Variants in EPB41 observed in about 807,000 individuals in gnomAD.
EPB41 encodes protein 4.1.
In EPB41, 65 loss-of-function variants were observed where a neutral mutation model predicts 108.0. The ratio of observed to expected loss-of-function variants is 0.60; its 90% confidence interval spans 0.49 to 0.74. The LOEUF is 0.74. EPB41 is among the 30% of genes least tolerant of loss of function. The pLI, the probability that EPB41 is intolerant of heterozygous loss-of-function variation, is 0.00. For missense variants in EPB41, 875 were observed against 1,037.0 expected (o/e 0.84, Z 2.15); for synonymous variants, 336 against 358.9 (o/e 0.94, Z 0.72).
upstream of EPB41, among the ~76,000 whole-genome samples, chr1:28,912,724 C>T (rs2092320009): frequency 2.0e-5 from 3 of 151,906 alleles, no homozygotes; most frequent in South Asian, 6.3e-4. Flanking sequence ...TCAAGTGATT[C>T]TCCTGCCTCA....
chr1:29,068,870 A>G lies in EPB41; in HGVS notation c.2184+3712A>G, dbSNP rs1649805117. On this transcript the variant is annotated intron_variant, in intron 16 of 20. Coordinates refer to ENST00000343067, the MANE Select transcript of EPB41 (RefSeq NM_001376013.1). Reference sequence around the variant, plus strand: ...CAGATAATCCCCCCAGAACTGAACAACAGCTGCTGAATACCTTTTTTTCTT... The same window carrying G: ...CAGATAATCCCCCCAGAACTGAACAGCAGCTGCTGAATACCTTTTTTTCTT... 4 of 1,055,478 alleles carry G rather than the reference A, an allele frequency of 3.8e-6. No individual in the cohort carries two copies. The Middle Eastern group carries it at 1.0e-3, about 274-fold the overall frequency. 65.4% of individuals were successfully genotyped at this position (1,055,478 alleles called of 1,614,324 possible).
intron 16 of EPB41, among the ~76,000 whole-genome samples, chr1:29,067,052 G>A (rs1372520852): frequency 1.3e-5 from 2 of 151,496 alleles, no homozygotes; most frequent in Admixed American, 6.6e-5. Flanking sequence ...AACTGGAGAA[G>A]GTGATAAAAG....
chr1:28,935,790 A>G (rs2093998236), intron 1 of EPB41, among the ~76,000 whole-genome samples: 1 of 151,748 alleles, frequency 6.6e-6, no homozygotes, highest in South Asian at 2.1e-4. Flanking sequence ...GTGGTGGCAC[A>G]TGCCTGTAAT....
At chr1:28,976,896 A>G (rs545094507) in intron 1 of EPB41, among the ~76,000 whole-genome samples, 1 of 152,176 alleles carries the variant, frequency 6.6e-6, no homozygotes, top group South Asian at 2.1e-4. Context: ...TCTTTTGCCC[A>G]GGTTGGAGTG....
chr1:28,969,160 C>T lies in EPB41; in HGVS notation c.-7-18271C>T, dbSNP rs573270331. Among the ~76,000 whole-genome samples the T allele has an allele frequency of 4.6e-5, 7 of 150,986 alleles. No individual in the cohort carries two copies. In the South Asian group the frequency reaches 1.5e-3, roughly 32 times the overall value. On this transcript the variant is annotated intron_variant, in intron 1 of 20. Coordinates refer to ENST00000343067, the MANE Select transcript of EPB41 (RefSeq NM_001376013.1). ...GGTGCAGTGGCACAGTCTCAGCTCACTGCAACCTCCACCTCCTCGGTTCAA... is the reference window on the plus strand; with the variant it reads ...GGTGCAGTGGCACAGTCTCAGCTCATTGCAACCTCCACCTCCTCGGTTCAA...
intron 10 of EPB41, among the ~76,000 whole-genome samples, chr1:29,036,682 T>A (rs1639594068): frequency 6.6e-6 from 1 of 151,222 alleles, no homozygotes; most frequent in Non-Finnish European, 1.5e-5. Flanking sequence ...GCTGATTTTT[T>A]TTTTTTTTTT....
chr1:28,902,641 T>C (rs1475686498), intron 1 of EPB41, among the ~76,000 whole-genome samples: 2 of 152,176 alleles, frequency 1.3e-5, no homozygotes, highest in Non-Finnish European at 2.9e-5. Flanking sequence ...CCCCTGGGTC[T>C]CTATGCCTGG....
chr1:28,944,672 G>C (rs2094432164), intron 1 of EPB41, among the ~76,000 whole-genome samples: 1 of 151,724 alleles, frequency 6.6e-6, no homozygotes, highest in Admixed American at 6.6e-5. Context: ...GAGTAGCTGG[G>C]ATTACAGGCA....
At chr1:29,039,960 G>A (rs1156778189) in intron 11 of EPB41, among the ~76,000 whole-genome samples, 1 of 152,230 alleles carries the variant, frequency 6.6e-6, no homozygotes, top group Non-Finnish European at 1.5e-5. Context: ...GGATCAAACA[G>A]TACCAGAATT....
chr1:28,920,799 A>AT (rs980614630), intron 1 of EPB41, among the ~76,000 whole-genome samples: 1 of 151,872 alleles, frequency 6.6e-6, no homozygotes, highest in Non-Finnish European at 1.5e-5. Context: ...CACCTGGCTG[A>AT]TTTTTTATAT....
intron 1 of EPB41, among the ~76,000 whole-genome samples, chr1:28,967,493 A>G (rs1300850528): frequency 6.6e-6 from 1 of 152,170 alleles, no homozygotes; most frequent in Admixed American, 6.5e-5. Context: ...ACCTTTGGTA[A>G]TTTTGCTTCT....
At chr1:28,916,572 G>A (rs1366758264) in intron 1 of EPB41, among the ~76,000 whole-genome samples, 1 of 152,144 alleles carries the variant, frequency 6.6e-6, no homozygotes, top group Non-Finnish European at 1.5e-5. Context: ...AGGAGGCGGA[G>A]GTTGCAGTGA....
chr1:28,941,410 T>C (rs1217992862), intron 1 of EPB41, among the ~76,000 whole-genome samples: 3 of 151,578 alleles, frequency 2.0e-5, no homozygotes, highest in African/African-American at 7.3e-5. Flanking sequence ...TGGGGAAAAA[T>C]GAGGTATAAG....
chr1:28,900,477 G>T (rs573474669), intron 1 of EPB41, among the ~76,000 whole-genome samples: 2 of 151,896 alleles, frequency 1.3e-5, no homozygotes, highest in South Asian at 4.2e-4. Flanking sequence ...TAGTAGAGAT[G>T]GGGTTTCACC....
At position 28,987,821 on chromosome 1, in the gene EPB41, A is replaced by G. The variant is rs768207973; in HGVS notation, c.384A>G (p.Leu128=). The change falls in exon 2 of 21, where the codon TTA becomes TTG. Residue 128 remains leucine, a synonymous_variant. Transcript: ENST00000343067. ...FGTSLDEEII[L]KAPIAAPEPE... ...CCAGTCTTGATGAAGAGATCATTTT[A>G]AAGGCCCCAATTGCAGCTCCTGAAC... 3 of 1,614,132 alleles carry G rather than the reference A, an allele frequency of 1.9e-6. No individual in the cohort carries two copies. In the South Asian group the frequency reaches 3.3e-5, roughly 18 times the overall value.
chr1:28,999,847 G>T (rs1400137947), intron 4 of EPB41, among the ~76,000 whole-genome samples: 1 of 151,874 alleles, frequency 6.6e-6, no homozygotes, highest in African/African-American at 2.4e-5. Flanking sequence ...GCAGTGGTGC[G>T]ATCTTGGCTC....
chr1:28,994,409 G>A (rs780569623), intron 3 of EPB41, among the ~76,000 whole-genome samples: 6 of 151,934 alleles, frequency 3.9e-5, no homozygotes, highest in Non-Finnish European at 5.9e-5. Flanking sequence ...CTGACCTCGT[G>A]ATCTGCCCGC....
At chr1:28,988,697 G>A (rs1475296874) in intron 2 of EPB41, among the ~76,000 whole-genome samples, 2 of 152,034 alleles carry the variant, frequency 1.3e-5, no homozygotes, top group African/African-American at 4.8e-5. Flanking sequence ...GTAGTCATTG[G>A]AAACTTACTT....
chr1:29,041,473 C>G (rs1641531888), intron 11 of EPB41: 1 of 152,170 alleles, frequency 6.6e-6, no homozygotes, highest in Non-Finnish European at 1.5e-5. Flanking sequence ...GAGTGAGACT[C>G]TGTCTCAAAA....
Sources: allele counts gnomAD v4.1 joint callset (sites outside exome capture counted in the v4.1 genomes callset), GRCh38; gene constraint gnomAD v4.1.1; transcripts MANE v1.5; gene names NCBI Gene and HGNC (gene_info 2026-07-23, HGNC 2026-07-21).